Variants in RNH1 observed in about 807,000 individuals in gnomAD.
The protein encoded by RNH1 is ribonuclease/angiogenin inhibitor 1, also known as ribonuclease inhibitor.
Under a neutral mutation model 46.1 loss-of-function variants are expected in RNH1, and 38 were observed. The observed-to-expected ratio is 0.82, with a 90% CI of 0.64 to 1.08. RNH1 has a LOEUF of 1.08. Ranked by LOEUF, RNH1 falls within the 50% of genes least tolerant of loss-of-function variation. The pLI, the probability that RNH1 is intolerant of heterozygous loss-of-function variation, is 0.00. For synonymous variants in RNH1, 319 were observed against 279.1 expected, an observed-to-expected ratio of 1.14 and a Z score of -1.43; for missense variants, 577 against 590.7, an observed-to-expected ratio of 0.98 and a Z score of 0.24.
At position 503,776 on chromosome 11, in the gene RNH1, G is replaced by C. The variant is rs544256842; in HGVS notation, c.-88+1048C>G. ...GCTTGGTGGGAGCTCAGGGTGGCCA[G>C]TGCTCCCGTGACCATCTGCAACTAG... is the stretch of plus-strand genomic sequence containing the variant. On this transcript the variant is annotated intron_variant, in intron 2 of 10. Transcript: ENST00000354420. Among the ~76,000 whole-genome samples, 26 of 152,258 alleles carry C rather than the reference G, an allele frequency of 1.7e-4. No homozygotes were observed. The East Asian group carries it at 4.8e-3, about 28-fold the overall frequency.
Position 499,861 on chromosome 11 carries a change from G to A in RNH1, c.411C>T (p.Leu137=). 1.9e-6 allele frequency: 3 copies of A among 1,612,300 alleles called. No individual in the cohort carries two copies. Among genetic ancestry groups the A allele is most frequent in the Non-Finnish European group, 2.5e-6 (3 of 1,179,348 alleles). Residue 137 remains leucine, a synonymous_variant, in exon 5 of 11, where the codon CTC becomes CTT. Transcript: ENST00000354420. ...DAGLQLLCEG[L]LDPQCRLEKL... ...TTTCCAGGCGGCACTGGGGGTCCAGGAGTCCTTCGCAGAGCAGCTGCAGGC... is the reference window on the plus strand; with the variant it reads ...TTTCCAGGCGGCACTGGGGGTCCAGAAGTCCTTCGCAGAGCAGCTGCAGGC...
rs1325168315 is a variant in RNH1 at position 502,689 on chromosome 11, C to A, written c.-87-440G>T. On this transcript the variant is annotated intron_variant, in intron 2 of 10. Transcript: ENST00000354420. The surrounding 1 kb of genome is among the most constrained non-coding windows in gnomAD (Gnocchi z 5.8). ...GGCAGGCTGCCCACAAAGCCAGAGA[C>A]CTCCCAGGATGCCAGGATCCTGGAC... 6.1e-6 allele frequency: 1 copy of A among 163,168 alleles called. No individual in the cohort carries two copies. The highest frequency in any genetic ancestry group is 1.4e-5 in the Non-Finnish European group (1 of 73,788). The allele number at this position is 163,168 out of a possible 1,614,324, so 10.1% of individuals were successfully genotyped here. A position where few individuals can be genotyped will look rare whatever the true frequency, so the allele number is the denominator to read the frequency against.
At position 499,142 on chromosome 11, in the gene RNH1, C is replaced by T; in HGVS notation, c.487G>A (p.Ala163Thr). 1 of 1,613,136 alleles carries T rather than the reference C, an allele frequency of 6.2e-7. No individual in the cohort carries two copies. The highest frequency in any genetic ancestry group is 1.1e-5 in the South Asian group (1 of 91,090). ...TCCGGCTTGGCCCTGAGCACGGAGG[C>T]CAGGGGCTCGCAGCTGGCAGCCGAG... ...SLSAASCEPLASVLRAKPDFK... is the reference protein window; with the variant it reads ...SLSAASCEPLTSVLRAKPDFK... Residue 163 changes from alanine to threonine, a missense_variant, in exon 6 of 11, where the codon GCC (alanine) becomes ACC (threonine). Coordinates refer to ENST00000354420, the MANE Select transcript of RNH1 (RefSeq NM_203387.3).
At chr11:505,414 A>C (rs1378557748) in intron 1 of RNH1, 1 of 152,168 alleles carries the variant, frequency 6.6e-6, no homozygotes, top group Non-Finnish European at 1.5e-5. Context: ...TAATCATGAG[A>C]GTTCTTATGC....
intron 1 of RNH1, chr11:505,925 G>C (rs1850234680): frequency 6.7e-6 from 1 of 148,488 alleles, no homozygotes; most frequent in African/African-American, 2.5e-5. Context: ...TTGTCAGCCG[G>C]CTGGAGTGCA....
chr11:502,193 G>A lies in RNH1; in HGVS notation c.-31C>T, dbSNP rs1849808723. On this transcript the variant is annotated 5_prime_UTR_variant, in exon 3 of 11. Coordinates refer to ENST00000354420, the MANE Select transcript of RNH1 (RefSeq NM_203387.3). The surrounding 1 kb of genome is among the most constrained non-coding windows in gnomAD (Gnocchi z 5.8). ...AGGTGAAGAGTGGCCTGGGTGGGAG[G>A]CAGAGGGAAGAGGACGTCTTGGCCG... 2 of 1,550,050 alleles carry A rather than the reference G, an allele frequency of 1.3e-6. No homozygotes were observed. Among genetic ancestry groups the A allele is most frequent in the South Asian group, 2.3e-5 (2 of 87,656 alleles).
In RNH1 at chr11:502,149, ATGTCCAG is replaced by A; in HGVS notation, c.7_13del (p.Leu3SerfsTer11). On this transcript the variant is annotated frameshift_variant, in exon 3 of 11. Transcript: ENST00000354420. LOFTEE classifies it high-confidence loss of function. The surrounding 1 kb of genome is among the most constrained non-coding windows in gnomAD (Gnocchi z 5.8). ...CTCACACTGGATGTCCAGGCTCTGG[ATGTCCAG>A]GCTCATGGTGGAGGTGAAGAGTGGC... 1 of 1,596,578 alleles carries A rather than the reference ATGTCCAG, an allele frequency of 6.3e-7. No homozygotes were observed. The highest frequency in any genetic ancestry group is 8.6e-7 in the Non-Finnish European group (1 of 1,169,358).
At chr11:496,474 A>C (rs896263710) in intron 9 of RNH1, among the ~76,000 whole-genome samples, 13 of 152,096 alleles carry the variant, frequency 8.5e-5, no homozygotes, top group African/African-American at 2.7e-4. Flanking sequence ...TCAAGACCAT[A>C]CTGGCTAACA....
chr11:502,324 G>T lies in RNH1; in HGVS notation c.-87-75C>A. The T allele has an allele frequency of 1.5e-6, 1 of 647,314 alleles. No individual in the cohort carries two copies. The highest frequency in any genetic ancestry group is 2.2e-5 in the Admixed American group (1 of 44,496). The allele number at this position is 647,314 out of a possible 1,614,324, so 40.1% of individuals were successfully genotyped here. On this transcript the variant is annotated intron_variant, in intron 2 of 10. Coordinates refer to ENST00000354420, the MANE Select transcript of RNH1 (RefSeq NM_203387.3). This position sits in a 1 kb window ranked among gnomAD's most constrained non-coding sequence, Gnocchi z 5.8. Reference sequence around the variant, plus strand: ...TCCCTGGGCAAACACTTCCTCTTCAGCACCCTCCCCACCTTTGTCTCTGGA... The same window carrying T: ...TCCCTGGGCAAACACTTCCTCTTCATCACCCTCCCCACCTTTGTCTCTGGA...
intron 9 of RNH1, among the ~76,000 whole-genome samples, chr11:495,971 G>A (rs866059493): frequency 2.6e-5 from 4 of 152,154 alleles, no homozygotes; most frequent in Admixed American, 6.5e-5. Flanking sequence ...GCTGGTAAAT[G>A]AGAACATCTC....
At chr11:497,335 TCA>T (rs1428714490) in intron 9 of RNH1, among the ~76,000 whole-genome samples, 1 of 129,416 alleles carries the variant, frequency 7.7e-6, no homozygotes, top group East Asian at 2.4e-4. Flanking sequence ...GTGCTCACTC[TCA>T]CGTGCTCACA....
Position 495,083 on chromosome 11 carries a change from C to T in RNH1, c.1128-30G>A, listed in dbSNP as rs371104800. ...GTGAAGCAGGGCGGGGGTCAGGGTG[C>T]CGGGCGTGCCTGGCACCGCACTGAC... On this transcript the variant is annotated intron_variant, in intron 9 of 10. Coordinates refer to ENST00000354420, the MANE Select transcript of RNH1 (RefSeq NM_203387.3). The T allele has an allele frequency of 2.1e-3, 3,358 of 1,590,472 alleles. 10 individuals carry two copies. The highest frequency in any genetic ancestry group is 2.4e-3 in the Non-Finnish European group (2,823 of 1,170,286).
intron 2 of RNH1, among the ~76,000 whole-genome samples, chr11:503,979 T>C (rs968336811): frequency 6.6e-6 from 1 of 152,124 alleles, no homozygotes; most frequent in Non-Finnish European, 1.5e-5. Context: ...CAGCCAAAGC[T>C]AAAAGCACAT....
Position 498,975 on chromosome 11 carries a change from CT to C in RNH1, c.614+39del, listed in dbSNP as rs145035528. On this transcript the variant is annotated intron_variant, in intron 6 of 10. Transcript: ENST00000354420. The stretch of plus-strand genomic sequence containing the variant: ...CACGTGAGGCAGCACGGGACCCCCC[CT>C]AGCCCACACCCCGCACCCCCCCAAG... 7.4e-3 allele frequency: 11,991 copies of C among 1,611,376 alleles called. 362 individuals carry two copies. In the African/African-American group the frequency reaches 0.096, roughly 13 times the overall value.
In RNH1 at chr11:502,230, A is replaced by C. The variant is rs1482405832; in HGVS notation, c.-68T>G. ...GGACGTCTTGGCCGAATCCCCTCACAGTTTCACAGGCCGGAGATTCTGCAA... is the reference window on the plus strand; with the variant it reads ...GGACGTCTTGGCCGAATCCCCTCACCGTTTCACAGGCCGGAGATTCTGCAA... On this transcript the variant is annotated 5_prime_UTR_variant, in exon 3 of 11. Transcript: ENST00000354420. The surrounding 1 kb of genome is among the most constrained non-coding windows in gnomAD (Gnocchi z 5.8). 2 of 1,252,026 alleles carry C rather than the reference A, an allele frequency of 1.6e-6. No homozygotes were observed. Among genetic ancestry groups the C allele is most frequent in the Non-Finnish European group, 2.3e-6 (2 of 876,040 alleles). 77.6% of individuals were successfully genotyped at this position (1,252,026 alleles called of 1,614,324 possible).
At chr11:499,259 T>C in intron 5 of RNH1, 74 bp from the exon 6 acceptor site, 4 of 1,519,826 alleles carry the variant, frequency 2.6e-6, no homozygotes, top group Non-Finnish European at 3.6e-6. Context: ...GAGCACGGGG[T>C]GTGCTGGTGT....
intron 4 of RNH1, chr11:500,269 T>A: frequency 1.5e-6 from 1 of 685,048 alleles, no homozygotes; most frequent in South Asian, 1.9e-5. Flanking sequence ...CAGGGCCAGA[T>A]CTTGGGTGCG....
At position 502,024 on chromosome 11, in the gene RNH1, C is replaced by G; in HGVS notation, c.101+38G>C. ...GGGAGCCGCCACCCGCCAGCCTGCC[C>G]CACCAGCACCCCAAGGCCACCCCGA... On this transcript the variant is annotated intron_variant, in intron 3 of 10. Coordinates refer to ENST00000354420, the MANE Select transcript of RNH1 (RefSeq NM_203387.3). The surrounding 1 kb of genome is among the most constrained non-coding windows in gnomAD (Gnocchi z 5.8). 6.6e-7 allele frequency: 1 copy of G among 1,515,282 alleles called. No individual in the cohort carries two copies. The highest frequency in any genetic ancestry group is 9.1e-7 in the Non-Finnish European group (1 of 1,103,544). The allele number at this position is 1,515,282 out of a possible 1,614,324, so 93.9% of individuals were successfully genotyped here.
chr11:499,769 G>T, intron 5 of RNH1, 60 bp downstream of exon 5: 2 of 1,570,812 alleles, frequency 1.3e-6, no homozygotes, highest in Non-Finnish European at 1.7e-6. Flanking sequence ...TTCTATGTAG[G>T]GGGCTGGCTG....
Sources: allele counts gnomAD v4.1 joint callset (sites outside exome capture counted in the v4.1 genomes callset), GRCh38; gene constraint gnomAD v4.1.1; non-coding constraint Gnocchi (gnomAD v3.1); transcripts MANE v1.5; gene names NCBI Gene and HGNC (gene_info 2026-07-23, HGNC 2026-07-21).